SOX6: variants seen among roughly 807,000 people sequenced by gnomAD.
The protein encoded by SOX6 is SRY-box transcription factor 6.
A neutral mutation model predicts 97.8 loss-of-function variants in SOX6; 11 were observed. That is an observed-to-expected ratio of 0.11 (90% CI 0.07 to 0.19). The LOEUF (loss-of-function observed/expected upper bound fraction) is 0.19, where lower values mean the gene tolerates loss of function less well. Ranked by LOEUF, SOX6 falls within the 10% of genes least tolerant of loss-of-function variation. The pLI, the probability that SOX6 is intolerant of heterozygous loss-of-function variation, is 1.00. For synonymous variants in SOX6, 360 were observed against 371.4 expected (o/e 0.97, Z 0.35); for missense variants, 810 against 1,039.5 (o/e 0.78, Z 3.04).
intron 1 of SOX6, among the ~76,000 whole-genome samples, chr11:16,405,941 G>A (rs372296948): frequency 1.8e-4 from 28 of 152,038 alleles, no homozygotes; most frequent in African/African-American, 6.0e-4. Flanking sequence ...AATTGCTCTC[G>A]ACAAAGGGTA....
chr11:16,642,217 G>A (rs923294104), intron 3 of SOX6, among the ~76,000 whole-genome samples: 1 of 152,136 alleles, frequency 6.6e-6, no homozygotes, highest in African/African-American at 2.4e-5. Flanking sequence ...TTTTCTTTAA[G>A]AATGTTGAAT....
chr11:16,149,075 T>A (rs1850391017), intron 6 of SOX6, among the ~76,000 whole-genome samples: 1 of 152,176 alleles, frequency 6.6e-6, no homozygotes, highest in African/African-American at 2.4e-5. Context: ...CTTCTCAAAG[T>A]TAACTACCAC....
At chr11:16,259,943 ATATG>A (rs973396445) in intron 3 of SOX6, among the ~76,000 whole-genome samples, 16 of 16,500 alleles carry the variant, frequency 9.7e-4, no homozygotes, top group Non-Finnish European at 4.0e-3. Flanking sequence ...AATGTCCCAA[ATATG>A]TGTGTGTGTG....
At chr11:16,483,640 C>T (rs758581415) in intron 4 of SOX6, among the ~76,000 whole-genome samples, 1 of 151,894 alleles carries the variant, frequency 6.6e-6, no homozygotes, top group Non-Finnish European at 1.5e-5. Flanking sequence ...TGTCCCACTG[C>T]TGAGTGACAC....
intron 9 of SOX6, among the ~76,000 whole-genome samples, chr11:16,076,302 A>C (rs1297352084): frequency 1.3e-5 from 2 of 152,136 alleles, no homozygotes; most frequent in African/African-American, 4.8e-5. Flanking sequence ...AGAAATTATC[A>C]ACAGAATAAA....
At chr11:16,643,122 T>C (rs1341393767) in intron 3 of SOX6, among the ~76,000 whole-genome samples, 8 of 152,230 alleles carry the variant, frequency 5.3e-5, no homozygotes, top group Admixed American at 5.2e-4. Flanking sequence ...TTGTTAGTTT[T>C]CCTTCTAACA....
chr11:16,265,914 TG>T (rs1854072012), intron 3 of SOX6, among the ~76,000 whole-genome samples: 1 of 13,762 alleles, frequency 7.3e-5, no homozygotes, highest in Non-Finnish European at 2.7e-3. Context: ...AGACAGAAAA[TG>T]TAAAAAAAAA....
intron 3 of SOX6, among the ~76,000 whole-genome samples, chr11:16,236,012 A>C (rs529928689): frequency 6.6e-6 from 1 of 152,032 alleles, no homozygotes; most frequent in Non-Finnish European, 1.5e-5. Flanking sequence ...CACAGAGCTG[A>C]AGTTCTTTCT....
At chr11:16,303,901 G>T (rs1055533667) in intron 3 of SOX6, among the ~76,000 whole-genome samples, 30 of 151,984 alleles carry the variant, frequency 2.0e-4, no homozygotes, top group African/African-American at 7.0e-4. Context: ...TTTGTGGGGG[G>T]TTTCTTTGTT....
chr11:16,099,871 C>T (rs1848897970), intron 7 of SOX6, among the ~76,000 whole-genome samples: 1 of 151,718 alleles, frequency 6.6e-6, no homozygotes, highest in South Asian at 2.1e-4. Flanking sequence ...TTCTTTGAAT[C>T]TGTATACCTG....
intron 4 of SOX6, among the ~76,000 whole-genome samples, chr11:16,541,550 T>A (rs557574792): frequency 6.8e-4 from 104 of 151,832 alleles, no homozygotes; most frequent in Middle Eastern, 3.4e-3. Flanking sequence ...TGGGAGAAAA[T>A]TTTTGCAATC....
chr11:16,728,397 T>C (rs1848323649), intron 2 of SOX6, among the ~76,000 whole-genome samples: 1 of 152,196 alleles, frequency 6.6e-6, no homozygotes, highest in African/African-American at 2.4e-5. Flanking sequence ...GCAAAAGTCT[T>C]TGCTGTTCTG....
intron 4 of SOX6, among the ~76,000 whole-genome samples, chr11:16,566,193 T>G (rs953308433): frequency 6.6e-6 from 1 of 152,090 alleles, no homozygotes; most frequent in African/African-American, 2.4e-5. Flanking sequence ...AATAAAAAGT[T>G]TGAGAACCTC....
chr11:16,504,167 C>T (rs999440439), intron 4 of SOX6, among the ~76,000 whole-genome samples: 3 of 152,028 alleles, frequency 2.0e-5, no homozygotes, highest in Non-Finnish European at 4.4e-5. Flanking sequence ...ATAGGACTTT[C>T]CTCTAATAAC....
intron 4 of SOX6, among the ~76,000 whole-genome samples, chr11:16,521,250 C>T (rs943099034): frequency 6.6e-6 from 1 of 152,162 alleles, no homozygotes; most frequent in Non-Finnish European, 1.5e-5. Flanking sequence ...CAGACGGACA[C>T]CTCACACGGC....
chr11:16,162,060 G>A (rs898809076), intron 6 of SOX6, among the ~76,000 whole-genome samples: 1 of 152,108 alleles, frequency 6.6e-6, no homozygotes, highest in African/African-American at 2.4e-5. Context: ...TGTAATAATT[G>A]TTCCTTGCTT....
chr11:15,981,980 G>A (rs909540818), intron 15 of SOX6, among the ~76,000 whole-genome samples: 2 of 151,910 alleles, frequency 1.3e-5, no homozygotes, highest in Non-Finnish European at 2.9e-5. Context: ...TGAAGAAACT[G>A]GTTAGAGAGA....
chr11:16,389,172 T>C (rs1858084730), intron 1 of SOX6, among the ~76,000 whole-genome samples: 1 of 152,186 alleles, frequency 6.6e-6, no homozygotes, highest in African/African-American at 2.4e-5. Context: ...AGACTTGAAC[T>C]CCTGGACTCA....
intron 3 of SOX6, among the ~76,000 whole-genome samples, chr11:16,686,231 G>A (rs1193350219): frequency 3.3e-5 from 5 of 152,256 alleles, no homozygotes; most frequent in Admixed American, 3.3e-4. Flanking sequence ...TCTCTAGCAA[G>A]TGGTTGAATT....
Sources: gnomAD v4.1 joint callset for allele counts (sites outside exome capture counted in the v4.1 genomes callset) on GRCh38, gnomAD v4.1.1 for gene constraint, MANE v1.5 for transcripts, NCBI Gene and HGNC (gene_info 2026-07-23, HGNC 2026-07-21) for gene names.